Variants in ADAM12 observed in about 807,000 individuals in gnomAD.
ADAM12 encodes ADAM metallopeptidase domain 12, also known as disintegrin and metalloproteinase domain-containing protein 12.
Under a neutral mutation model 106.4 loss-of-function variants are expected in ADAM12, and 70 were observed. That is an observed-to-expected ratio of 0.66 (90% CI 0.54 to 0.80). ADAM12 has a LOEUF of 0.80. Ranked by LOEUF, ADAM12 falls within the 30% of genes least tolerant of loss-of-function variation. The pLI is 0.00. For synonymous variants in ADAM12, 420 were observed against 433.5 expected (o/e 0.97, Z 0.39); for missense variants, 1,010 against 1,171.9 (o/e 0.86, Z 2.02).
At chr10:126,272,606 T>C (rs1372724248) in intron 3 of ADAM12, among the ~76,000 whole-genome samples, 1 of 152,222 alleles carries the variant, frequency 6.6e-6, no homozygotes, top group African/African-American at 2.4e-5. Flanking sequence ...ATTTCTGAGA[T>C]ATGGTTCCAT....
chr10:126,383,324 C>A (rs545876667), intron 1 of ADAM12, among the ~76,000 whole-genome samples: 1 of 151,902 alleles, frequency 6.6e-6, no homozygotes, highest in South Asian at 2.1e-4. Context: ...GAAAGTAGAA[C>A]AAAAATGTAA....
rs1957001427 is a variant in ADAM12 at position 126,165,144 on chromosome 10, G to C, written c.261-9839C>G. Among the ~76,000 whole-genome samples the C allele has an allele frequency of 2.0e-5, 3 of 152,116 alleles. No individual in the cohort carries two copies. In the South Asian group the frequency reaches 6.2e-4, roughly 32 times the overall value. On this transcript the variant is annotated intron_variant, in intron 3 of 22. Transcript: ENST00000448723. Reference sequence around the variant, plus strand: ...TTCCTCCTGCCCCTGTTCATTGTTTGCTCACAGGGTGTCAGGCCTTGGGGC... The same window carrying C: ...TTCCTCCTGCCCCTGTTCATTGTTTCCTCACAGGGTGTCAGGCCTTGGGGC...
intron 3 of ADAM12, among the ~76,000 whole-genome samples, chr10:126,235,107 C>T (rs1319725383): frequency 6.6e-6 from 1 of 152,224 alleles, no homozygotes; most frequent in Admixed American, 6.5e-5. Context: ...CAAGGCCAGA[C>T]TCCTCACAGG....
chr10:126,057,548 C>A (rs182170200), intron 14 of ADAM12, among the ~76,000 whole-genome samples: 2 of 152,064 alleles, frequency 1.3e-5, no homozygotes, highest in South Asian at 4.1e-4. Context: ...AAGGACGCAG[C>A]GGCCGGAACT....
chr10:126,159,036 A>G (rs920296881), intron 3 of ADAM12, among the ~76,000 whole-genome samples: 5 of 152,142 alleles, frequency 3.3e-5, no homozygotes, highest in East Asian at 3.9e-4. Flanking sequence ...ACGGCTGGGC[A>G]CAGTGGCTCA....
intron 5 of ADAM12, among the ~76,000 whole-genome samples, chr10:126,126,490 T>C (rs1956208720): frequency 6.6e-6 from 1 of 152,052 alleles, no homozygotes. Flanking sequence ...ACGTGACCAG[T>C]AGGTGAGTAA....
intron 11 of ADAM12, among the ~76,000 whole-genome samples, chr10:126,073,849 T>A (rs1328387588): frequency 6.6e-6 from 1 of 152,242 alleles, no homozygotes; most frequent in Non-Finnish European, 1.5e-5. Flanking sequence ...ATTCCTGGTA[T>A]CAAAATATAC....
intron 3 of ADAM12, among the ~76,000 whole-genome samples, chr10:126,199,009 C>G (rs1382587565): frequency 2.0e-5 from 3 of 152,046 alleles, no homozygotes; most frequent in African/African-American, 7.2e-5. Flanking sequence ...CCTGTAGATT[C>G]CAGAAATTTC....
At chr10:126,142,203 G>A (rs1271164749) in intron 4 of ADAM12, among the ~76,000 whole-genome samples, 1 of 152,126 alleles carries the variant, frequency 6.6e-6, no homozygotes, top group Non-Finnish European at 1.5e-5. Context: ...GGCACTAGAG[G>A]AATTAAAGAC....
At chr10:126,240,633 T>C (rs1958503798) in intron 3 of ADAM12, among the ~76,000 whole-genome samples, 1 of 152,222 alleles carries the variant, frequency 6.6e-6, no homozygotes, top group South Asian at 2.1e-4. Flanking sequence ...CCAGGCAGGC[T>C]GGAGCTGGAG....
chr10:126,206,650 A>G (rs7920920), intron 3 of ADAM12, among the ~76,000 whole-genome samples: 124,355 of 152,156 alleles, frequency 0.82, 50,906 homozygotes, highest in Middle Eastern at 0.9. Flanking sequence ...ATAAGATTAC[A>G]TGGCTGGCAA....
chr10:126,249,504 C>T (rs1398744040), intron 3 of ADAM12, among the ~76,000 whole-genome samples: 1 of 152,222 alleles, frequency 6.6e-6, no homozygotes, highest in Non-Finnish European at 1.5e-5. Context: ...TCAAGACCAT[C>T]CTGGCTAACA....
chr10:126,296,294 A>G (rs993191963), intron 2 of ADAM12, among the ~76,000 whole-genome samples: 4 of 152,030 alleles, frequency 2.6e-5, no homozygotes, highest in Non-Finnish European at 5.9e-5. Flanking sequence ...GGCACATGCC[A>G]CCATGCCTGA....
At chr10:126,214,850 C>T (rs1957959652) in intron 3 of ADAM12, among the ~76,000 whole-genome samples, 1 of 152,172 alleles carries the variant, frequency 6.6e-6, no homozygotes, top group Non-Finnish European at 1.5e-5. Context: ...CGGCCCAGCC[C>T]ACCTCTCACG....
intron 8 of ADAM12, among the ~76,000 whole-genome samples, chr10:126,104,435 G>A (rs1461282448): frequency 6.9e-6 from 1 of 144,904 alleles, no homozygotes; most frequent in African/African-American, 2.6e-5. Flanking sequence ...TGGGGATAGA[G>A]CAAGACTCTG....
At chr10:126,190,436 C>T (rs1324131047) in intron 3 of ADAM12, among the ~76,000 whole-genome samples, 2 of 152,182 alleles carry the variant, frequency 1.3e-5, no homozygotes, top group Middle Eastern at 3.4e-3. Flanking sequence ...AAACTCCTGA[C>T]CTCAAGTAGT....
At position 126,042,046 on chromosome 10, in the gene ADAM12, T is replaced by C. The variant is rs541327231; in HGVS notation, c.2104+994A>G. 500 of 1,530,932 alleles carry C rather than the reference T, an allele frequency of 3.3e-4. 3 individuals carry two copies. The highest frequency in any genetic ancestry group is 2.5e-3 in the South Asian group (200 of 80,182). 94.8% of individuals were successfully genotyped at this position (1,530,932 alleles called of 1,614,324 possible). On this transcript the variant is annotated intron_variant, in intron 18 of 22. Coordinates refer to ENST00000448723, the MANE Select transcript of ADAM12 (RefSeq NM_001288973.2). ...TGGAAACGATGGCAAAGCCACAGAG[T>C]CAATGCTGCCAGTCACAGGAGGCCT... is the stretch of plus-strand genomic sequence containing the variant.
rs145500767 is a variant in ADAM12 at position 126,061,060 on chromosome 10, C to T, written c.1609+3746G>A. 2.7e-4 allele frequency among the ~76,000 whole-genome samples: 41 copies of T among 152,312 alleles called. No homozygotes were observed. In the East Asian group the frequency reaches 5.6e-3, roughly 21 times the overall value. ...TATACTGGAAATATCCATCCTCTTC[C>T]ACCCCTGGCAAACCACTATTCCACG... On this transcript the variant is annotated intron_variant, in intron 14 of 22. Transcript: ENST00000448723.
In ADAM12 at chr10:126,049,357, G is replaced by T; in HGVS notation, c.1813C>A (p.Gln605Lys). 6.2e-7 allele frequency: 1 copy of T among 1,614,216 alleles called. No homozygotes were observed. The highest frequency in any genetic ancestry group is 8.5e-7 in the Non-Finnish European group (1 of 1,180,052). ...AVSIETNIPLQQGGRILCRGT... is the reference protein window; with the variant it reads ...AVSIETNIPLKQGGRILCRGT... ...CGGCACAGAATCCGGCCTCCTTGCT[G>T]CAGGGGGATGTTTGTTTCTATGGAA... The change falls in exon 16 of 23, where the codon CAG becomes AAG. Residue 605 changes from glutamine (Q) to lysine (K), a missense_variant. Coordinates refer to ENST00000448723, the MANE Select transcript of ADAM12 (RefSeq NM_001288973.2). This position sits in a 1 kb window ranked among gnomAD's most constrained non-coding sequence, Gnocchi z 4.4.
Sources: allele counts gnomAD v4.1 joint callset (sites outside exome capture counted in the v4.1 genomes callset), GRCh38; gene constraint gnomAD v4.1.1; non-coding constraint Gnocchi (gnomAD v3.1); transcripts MANE v1.5; gene names NCBI Gene and HGNC (gene_info 2026-07-23, HGNC 2026-07-21).